Variants in ITGAV observed in about 807,000 individuals in gnomAD.
ITGAV encodes integrin alpha-V.
ITGAV carries 76 observed loss-of-function variants against 143.8 expected under a neutral mutation model. The observed-to-expected ratio is 0.53, with a 90% confidence interval of 0.44 to 0.64. The LOEUF is 0.64. Among genes scored for constraint, ITGAV ranks in the 30% least tolerant of loss-of-function variants. The probability of loss-of-function intolerance (pLI) is 0.00; values close to 1 mark genes in which losing one functional copy is unlikely to be tolerated. For missense variants in ITGAV, 1,193 were observed against 1,274.7 expected (o/e 0.94, Z 0.98); for synonymous variants, 453 against 446.7 (o/e 1.01, Z -0.18).
At chr2:186,667,897 A>G (rs1247941217) in intron 24 of ITGAV, 121 bp downstream of exon 24, 4 of 458,884 alleles carry the variant, frequency 8.7e-6, no homozygotes, top group African/African-American at 3.9e-5. Flanking sequence ...TTGGTTAAGT[A>G]TGTGTCAGAG....
At chr2:186,604,040 A>ATT (rs1319927264) in intron 2 of ITGAV, among the ~76,000 whole-genome samples, 2 of 145,590 alleles carry the variant, frequency 1.4e-5, no homozygotes, top group Non-Finnish European at 3.0e-5. Flanking sequence ...GTTTTTATGT[A>ATT]TTTTTTTTTT....
chr2:186,591,443 T>G (rs538265624), intron 1 of ITGAV, among the ~76,000 whole-genome samples: 65 of 152,358 alleles, frequency 4.3e-4, no homozygotes, highest in Middle Eastern at 3.4e-3. Flanking sequence ...GTTTTTTTAA[T>G]GATGTTTAAA....
rs1188411024 is a variant in ITGAV, at chr2:186,680,833, G to A, written c.*3541G>A. 1 of 152,612 alleles carries A rather than the reference G, an allele frequency of 6.6e-6. No individual in the cohort carries two copies. The highest frequency in any genetic ancestry group is 1.9e-4 in the East Asian group (1 of 5,202). The allele number at this position is 152,612 out of a possible 1,614,324, so 9.5% of individuals were successfully genotyped here. A position where few individuals can be genotyped will look rare whatever the true frequency, so the allele number is the denominator to read the frequency against. On this transcript the variant is annotated 3_prime_UTR_variant, in exon 30 of 30. Coordinates refer to ENST00000261023, the MANE Select transcript of ITGAV (RefSeq NM_002210.5). ...ACTTGATTTGAGTTAGTGAAAACTG[G>A]TACAGTGTTCTGCTTGATTTACAAC...
Position 186,668,930 on chromosome 2 carries a change from T to C in ITGAV, c.2592+10T>C. 6.3e-7 allele frequency: 1 copy of C among 1,583,046 alleles called. No homozygotes were observed. ...CCCTTTGAGAATTAAGGTAATATGC[T>C]TAATAGCAGCTCTTCATTACAATGA... On this transcript the variant is annotated intron_variant, in intron 25 of 29. Coordinates refer to ENST00000261023, the MANE Select transcript of ITGAV (RefSeq NM_002210.5).
In ITGAV at chr2:186,590,378, C is replaced by T; in HGVS notation, c.40C>T (p.Arg14Cys). ...PPRRRLRLGP[R>C]GLPLLLSGLL... is the part of the protein sequence containing the mutation. ...GCGGCGACGGCTGCGCCTCGGTCCC[C>T]GCGGCCTCCCGCTTCTTCTCTCGGG... The change falls in exon 1 of 30, where the codon CGC becomes TGC. Residue 14 changes from arginine to cysteine, a missense_variant. Arg to Cys is a radical substitution (Grantham distance 180, BLOSUM62 -3). Transcript: ENST00000261023. The T allele has an allele frequency of 1.3e-6, 2 of 1,597,734 alleles. No homozygotes were observed. Among genetic ancestry groups the T allele is most frequent in the Non-Finnish European group, 1.7e-6 (2 of 1,173,572 alleles).
intron 2 of ITGAV, among the ~76,000 whole-genome samples, chr2:186,603,782 A>G (rs1390127486): frequency 6.6e-6 from 1 of 152,242 alleles, no homozygotes; most frequent in Non-Finnish European, 1.5e-5. Flanking sequence ...ACATTTGCAC[A>G]TGGTAAAACA....
chr2:186,663,905 A>G (rs1302933308), intron 19 of ITGAV, 70 bp downstream of exon 19: 21 of 1,060,136 alleles, frequency 2.0e-5, no homozygotes, highest in African/African-American at 4.7e-5. Flanking sequence ...TATTCAAAGG[A>G]CTAACATATT....
chr2:186,660,357 A>C (rs944858433), intron 18 of ITGAV: 3 of 151,932 alleles, frequency 2.0e-5, no homozygotes, highest in African/African-American at 7.3e-5. Flanking sequence ...CTCATTCTTC[A>C]TTGTTTGAAA....
chr2:186,670,251 A>T (rs1689027821), intron 26 of ITGAV, among the ~76,000 whole-genome samples: 1 of 152,112 alleles, frequency 6.6e-6, no homozygotes, highest in South Asian at 2.1e-4. Flanking sequence ...CTTTTAATTA[A>T]CAAATCTCCA....
At chr2:186,604,131 T>G (rs1464463416) in intron 2 of ITGAV, among the ~76,000 whole-genome samples, 5 of 152,032 alleles carry the variant, frequency 3.3e-5, no homozygotes, top group Admixed American at 3.3e-4. Flanking sequence ...CTCAGTCTCC[T>G]GAAGTCCTGA....
chr2:186,642,368 A>G (rs533711574), intron 12 of ITGAV, among the ~76,000 whole-genome samples: 16 of 139,558 alleles, frequency 1.1e-4, no homozygotes, highest in African/African-American at 4.0e-4. Context: ...GAAAACTTTA[A>G]AAATACAGAT....
At chr2:186,627,908 C>G (rs895990212) in intron 4 of ITGAV, among the ~76,000 whole-genome samples, 1 of 152,092 alleles carries the variant, frequency 6.6e-6, no homozygotes. Context: ...TTTCAGTAAC[C>G]CTTGATTATT....
intron 26 of ITGAV, among the ~76,000 whole-genome samples, chr2:186,673,662 T>C (rs1689127783): frequency 6.6e-6 from 1 of 151,998 alleles, no homozygotes; most frequent in Non-Finnish European, 1.5e-5. Context: ...ATTATTATTA[T>C]TATTTTATTT....
intron 3 of ITGAV, among the ~76,000 whole-genome samples, chr2:186,622,748 C>G (rs958411825): frequency 1.3e-5 from 2 of 151,340 alleles, no homozygotes; most frequent in Admixed American, 1.3e-4. Flanking sequence ...TTTAATACTT[C>G]CTCTCTCTCT....
chr2:186,615,432 G>A (rs1687325681), intron 2 of ITGAV, among the ~76,000 whole-genome samples: 1 of 152,048 alleles, frequency 6.6e-6, no homozygotes, highest in Admixed American at 6.5e-5. Context: ...TAATGTATGA[G>A]GGTTTCAGTG....
At chr2:186,654,300 T>C (rs1688522675) in intron 15 of ITGAV, among the ~76,000 whole-genome samples, 1 of 148,028 alleles carries the variant, frequency 6.8e-6, no homozygotes, top group African/African-American at 2.5e-5. Flanking sequence ...GCCACTGTAC[T>C]CCAGCCTGGG....
chr2:186,677,161 A>G (rs374074087), intron 29 of ITGAV, 36 bp from the exon 30 acceptor site: 1 of 1,557,654 alleles, frequency 6.4e-7, no homozygotes, highest in Non-Finnish European at 8.9e-7. Context: ...TTCTACACTG[A>G]TGTGACAGTA....
chr2:186,672,442 G>A (rs564005783), intron 26 of ITGAV, among the ~76,000 whole-genome samples: 2 of 152,314 alleles, frequency 1.3e-5, no homozygotes, highest in South Asian at 2.1e-4. Flanking sequence ...ACATAAGAGT[G>A]CAATTGCTAG....
intron 2 of ITGAV, among the ~76,000 whole-genome samples, chr2:186,621,613 A>G (rs1687523118): frequency 6.6e-6 from 1 of 152,288 alleles, no homozygotes; most frequent in Non-Finnish European, 1.5e-5. Context: ...CTTTTAATCT[A>G]GAAGTGTTTC....
Sources: gnomAD v4.1 joint callset for allele counts (sites outside exome capture counted in the v4.1 genomes callset) on GRCh38, gnomAD v4.1.1 for gene constraint, MANE v1.5 for transcripts, NCBI Gene and HGNC (gene_info 2026-07-23, HGNC 2026-07-21) for gene names.